The following IDO2 variants were observed in gnomAD, a reference collection of about 807,000 sequenced individuals.
The protein encoded by IDO2 is indoleamine 2,3-dioxygenase-like 1 protein.
IDO2 carries 46 observed loss-of-function variants against 45.1 expected under a neutral mutation model. The ratio of observed to expected loss-of-function variants is 1.02; its 90% CI spans 0.80 to 1.30. The LOEUF (loss-of-function observed/expected upper bound fraction) is 1.30, where lower values mean the gene tolerates loss of function less well. Among genes scored for constraint, IDO2 ranks in the 50% most tolerant of loss-of-function variants. The pLI, the probability that IDO2 is intolerant of heterozygous loss-of-function variation, is 0.00. For missense variants in IDO2, 544 were observed against 491.8 expected, an observed-to-expected ratio of 1.11 and a Z score of -1.00; for synonymous variants, 218 against 184.9, an observed-to-expected ratio of 1.18 and a Z score of -1.45.
chr8:39,994,208 CCTT>C (rs1801994937), intron 8 of IDO2, among the ~76,000 whole-genome samples: 1 of 151,762 alleles, frequency 6.6e-6, no homozygotes, highest in Non-Finnish European at 1.5e-5. Flanking sequence ...TTTCTTCCCT[CCTT>C]CTTTTCAATT....
chr8:39,989,876 G>T lies in IDO2; in HGVS notation c.667+38G>T, dbSNP rs552515016. On this transcript the variant is annotated intron_variant, in intron 8 of 10. Coordinates refer to ENST00000502986, the Ensembl canonical transcript of IDO2. ...CGAAGCTCCTGAAGGATCCCCCAGG[G>T]GTCCTGGGCTCTGCTTAGGGGAAGA... The T allele has an allele frequency of 1.6e-5, 23 of 1,419,298 alleles. No homozygotes were observed. The South Asian group carries it at 2.1e-4, about 13-fold the overall frequency. The allele number at this position is 1,419,298 out of a possible 1,614,324, so 87.9% of individuals were successfully genotyped here. A position where few individuals can be genotyped will look rare whatever the true frequency, so the allele number is the denominator to read the frequency against.
intron 1 of IDO2, among the ~76,000 whole-genome samples, chr8:39,946,863 G>T (rs915299796): frequency 4.6e-5 from 7 of 151,350 alleles, no homozygotes; most frequent in African/African-American, 1.7e-4. Flanking sequence ...AAGTTGTTTG[G>T]TAGGAGAGGG....
Position 40,013,731 on chromosome 8 carries a change from T to C in IDO2, c.868+18T>C. On this transcript the variant is annotated intron_variant, in intron 10 of 10. Transcript: ENST00000502986. ...GGAAAGTGGTAAGTCAGACATTTTG[T>C]TTTCCCTTGAGAGTAGAGGGAGGAA... 1 of 1,586,220 alleles carries C rather than the reference T, an allele frequency of 6.3e-7. No homozygotes were observed. Among genetic ancestry groups the C allele is most frequent in the Non-Finnish European group, 8.6e-7 (1 of 1,163,854 alleles).
chr8:39,957,001 C>T (rs1807913543), intron 2 of IDO2, among the ~76,000 whole-genome samples: 1 of 111,816 alleles, frequency 8.9e-6, no homozygotes, highest in Non-Finnish European at 1.6e-5. Context: ...CGAGCTCACA[C>T]AAGTGCACTC....
chr8:39,992,351 G>A (rs1401839461), intron 8 of IDO2, among the ~76,000 whole-genome samples: 2 of 152,288 alleles, frequency 1.3e-5, no homozygotes, highest in African/African-American at 2.4e-5. Flanking sequence ...GAGCCATGTG[G>A]GTTCTCCAGT....
At chr8:39,964,238 CCATTACTTTT>C (rs1395699156) in intron 3 of IDO2, among the ~76,000 whole-genome samples, 2 of 152,156 alleles carry the variant, frequency 1.3e-5, no homozygotes, top group African/African-American at 4.8e-5. Context: ...GCAGTTTTTG[CCATTACTTTT>C]AATGACAAAA....
In IDO2 at chr8:39,944,433, T is replaced by C. The variant is rs189167700; in HGVS notation, c.-17-4716T>C. Among the ~76,000 whole-genome samples the C allele has an allele frequency of 2.1e-4, 32 of 152,302 alleles. No individual in the cohort carries two copies. The East Asian group carries it at 6.2e-3, about 29-fold the overall frequency. On this transcript the variant is annotated intron_variant, in intron 1 of 10. Transcript: ENST00000502986. ...GTTTTCCTTTAATCACCTAGCCTTG[T>C]TTCCACCTGAATTGACTCTCCCTTA...
chr8:39,971,502 A>G (rs1465217527), intron 3 of IDO2, among the ~76,000 whole-genome samples: 1 of 152,224 alleles, frequency 6.6e-6, no homozygotes, highest in Admixed American at 6.5e-5. Flanking sequence ...TTTAAGAACT[A>G]TACTTTGTAA....
chr8:39,951,916 G>A (rs1478331813), intron 2 of IDO2, among the ~76,000 whole-genome samples: 1 of 152,180 alleles, frequency 6.6e-6, no homozygotes, highest in African/African-American at 2.4e-5. Flanking sequence ...TACGGCATCA[G>A]GTTCTTGTGA....
At chr8:39,955,235 T>C (rs184189355) in intron 2 of IDO2, among the ~76,000 whole-genome samples, 274 of 143,586 alleles carry the variant, frequency 1.9e-3, no homozygotes, top group Admixed American at 5.4e-3. Context: ...TTAACAAATA[T>C]TTCTTTAATA....
chr8:39,951,955 G>A (rs1271790022), intron 2 of IDO2, among the ~76,000 whole-genome samples: 1 of 152,194 alleles, frequency 6.6e-6, no homozygotes, highest in Non-Finnish European at 1.5e-5. Context: ...CTATGGTTTT[G>A]TTAATGGAAT....
intron 8 of IDO2, among the ~76,000 whole-genome samples, 166 bp downstream of exon 8, chr8:39,990,004 G>T (rs1365978535): frequency 6.6e-6 from 1 of 152,108 alleles, no homozygotes; most frequent in African/African-American, 2.4e-5. Context: ...ATATTATCTT[G>T]GAGAGCTATT....
chr8:39,966,185 T>C (rs1232825689), intron 3 of IDO2, among the ~76,000 whole-genome samples: 5 of 151,912 alleles, frequency 3.3e-5, no homozygotes, highest in Non-Finnish European at 7.4e-5. Flanking sequence ...CCCGCCACCA[T>C]GCCCATGTAA....
intron 3 of IDO2, among the ~76,000 whole-genome samples, chr8:39,972,647 G>A (rs1368870042): frequency 6.9e-6 from 1 of 144,762 alleles, no homozygotes; most frequent in Admixed American, 6.8e-5. Context: ...TTCTACTGGG[G>A]AAAAAATGCT....
At chr8:39,966,026 C>CTT (rs59731560) in intron 3 of IDO2, among the ~76,000 whole-genome samples, 14,498 of 96,716 alleles carry the variant, frequency 0.15, 1,370 homozygotes, top group East Asian at 0.27. Flanking sequence ...TCTATCGCTT[C>CTT]TTTTTTTTTT....
At chr8:39,987,628 T>C (rs771701944) in intron 6 of IDO2, 24 of 454,360 alleles carry the variant, frequency 5.3e-5, no homozygotes, top group Non-Finnish European at 9.6e-5. Context: ...CCAGGACCAT[T>C]AGGGCCATGC....
chr8:39,979,195 C>A lies in IDO2; in HGVS notation c.315+9C>A. On this transcript the variant is annotated intron_variant, in intron 4 of 10. Coordinates refer to ENST00000502986, the Ensembl canonical transcript of IDO2. The stretch of plus-strand genomic sequence containing the variant: ...AGGCGCAGCCTGCAGAGGTGAGGGC[C>A]AGAGAGCAGCTTCTCCTGTTACCCG... 6.4e-7 allele frequency: 1 copy of A among 1,571,168 alleles called. No individual in the cohort carries two copies. Among genetic ancestry groups the A allele is most frequent in the East Asian group, 2.3e-5 (1 of 42,636 alleles).
intron 3 of IDO2, among the ~76,000 whole-genome samples, chr8:39,973,816 A>C (rs535344573): frequency 6.9e-4 from 103 of 149,896 alleles, no homozygotes; most frequent in African/African-American, 2.3e-3. Flanking sequence ...ATCTCGGCTC[A>C]CTGCAACCTC....
intron 6 of IDO2, chr8:39,987,510 A>AG (rs1808443186): frequency 5.8e-6 from 1 of 173,802 alleles, no homozygotes; most frequent in Admixed American, 5.9e-5. Flanking sequence ...TGCAAAAAAA[A>AG]GAGCATGGAC....
Sources: gnomAD v4.1 joint callset for allele counts (sites outside exome capture counted in the v4.1 genomes callset) on GRCh38, gnomAD v4.1.1 for gene constraint, MANE v1.5 for transcripts, NCBI Gene and HGNC (gene_info 2026-07-23, HGNC 2026-07-21) for gene names.